Variants in NRXN3 observed in about 807,000 individuals in gnomAD.
NRXN3 encodes the protein neurexin III.
In NRXN3, 32 loss-of-function variants were observed where a neutral mutation model predicts 137.6. The observed-to-expected ratio is 0.23, with a 90% CI of 0.18 to 0.31. NRXN3 has a LOEUF of 0.31. NRXN3 is among the 10% of genes least tolerant of loss of function. NRXN3 has a pLI of 1.00. For synonymous variants in NRXN3, 798 were observed against 784.5 expected (o/e 1.02, Z -0.29); for missense variants, 1,574 against 2,062.5 (o/e 0.76, Z 4.59).
At chr14:79,683,592 C>T (rs188831377) in intron 17 of NRXN3, among the ~76,000 whole-genome samples, 2 of 152,242 alleles carry the variant, frequency 1.3e-5, no homozygotes, top group East Asian at 3.9e-4. Context: ...TATTATCTCA[C>T]AGTTTCTATA....
At chr14:78,860,045 A>G (rs2099068296) in intron 10 of NRXN3, among the ~76,000 whole-genome samples, 1 of 152,146 alleles carries the variant, frequency 6.6e-6, no homozygotes, top group South Asian at 2.1e-4. Flanking sequence ...TCTCTTTGAC[A>G]GTTTGGCCCA....
At chr14:78,362,603 A>T (rs2085298996) in intron 4 of NRXN3, among the ~76,000 whole-genome samples, 1 of 152,296 alleles carries the variant, frequency 6.6e-6, no homozygotes, top group African/African-American at 2.4e-5. Flanking sequence ...TCATGGTGAG[A>T]AAGATATATC....
chr14:79,854,135 C>T, intron 20 of NRXN3: 1 of 982,014 alleles, frequency 1.0e-6, no homozygotes, highest in Non-Finnish European at 1.2e-6. Flanking sequence ...TGTGGCAATT[C>T]TATTTGTCCA....
rs543208744 is a variant in NRXN3 at position 78,589,751 on chromosome 14, G to A, written c.758-55369G>A. Among the ~76,000 whole-genome samples, 9 of 152,276 alleles carry A rather than the reference G, an allele frequency of 5.9e-5. No individual in the cohort carries two copies. The East Asian group carries it at 1.5e-3, about 26-fold the overall frequency. ...GCAGCAGGTGTGTCTTCCCCACCTA[G>A]ACTGAGGAATTGTGTCTCAGGGGCT... On this transcript the variant is annotated intron_variant, in intron 4 of 20. Transcript: ENST00000335750.
intron 20 of NRXN3, among the ~76,000 whole-genome samples, chr14:79,817,681 C>T (rs773374155): frequency 6.6e-6 from 1 of 152,154 alleles, no homozygotes; most frequent in Non-Finnish European, 1.5e-5. Context: ...CAACTGCCCC[C>T]AGCGTGGACA....
At chr14:79,022,193 A>G (rs2099590806) in intron 15 of NRXN3, among the ~76,000 whole-genome samples, 1 of 152,200 alleles carries the variant, frequency 6.6e-6, no homozygotes, top group Non-Finnish European at 1.5e-5. Flanking sequence ...TACATTTTTA[A>G]GGAGATTTAA....
intron 15 of NRXN3, among the ~76,000 whole-genome samples, chr14:79,209,370 A>G (rs754546331): frequency 2.6e-5 from 4 of 152,104 alleles, no homozygotes; most frequent in Non-Finnish European, 5.9e-5. Context: ...AATCAAGGGT[A>G]TATTTCAGTC....
At chr14:78,740,298 C>T (rs1260505956) in intron 8 of NRXN3, among the ~76,000 whole-genome samples, 1 of 152,100 alleles carries the variant, frequency 6.6e-6, no homozygotes, top group East Asian at 1.9e-4. Context: ...TGATTATCGC[C>T]TGATGTCTTG....
rs1258601889 is a variant in NRXN3 at position 79,866,430 on chromosome 14, G to C, written c.*4466G>C. On this transcript the variant is annotated 3_prime_UTR_variant, in exon 21 of 21. Transcript: ENST00000335750. ...TATGTAAGGGAAGGCTTCATAGAAG[G>C]GGTGACATTTTGGTAAACCTTGGAA... The C allele has an allele frequency of 6.6e-6, 1 of 152,170 alleles. No homozygotes were observed. The highest frequency in any genetic ancestry group is 1.5e-5 in the Non-Finnish European group (1 of 68,036). The allele number at this position is 152,170 out of a possible 1,614,324, so 9.4% of individuals were successfully genotyped here.
intron 15 of NRXN3, among the ~76,000 whole-genome samples, chr14:79,231,087 G>A (rs535277440): frequency 3.3e-5 from 5 of 152,256 alleles, no homozygotes; most frequent in African/African-American, 1.2e-4. Context: ...TAAAAAAGTA[G>A]TGTTTATTTC....
At chr14:79,078,829 C>T (rs575464363) in intron 15 of NRXN3, among the ~76,000 whole-genome samples, 1 of 152,186 alleles carries the variant, frequency 6.6e-6, no homozygotes, top group African/African-American at 2.4e-5. Flanking sequence ...CTTTGGGCCT[C>T]ACTTGCAACA....
intron 3 of NRXN3, among the ~76,000 whole-genome samples, chr14:78,288,041 G>T (rs546948252): frequency 1.3e-5 from 2 of 151,600 alleles, no homozygotes; most frequent in Admixed American, 6.6e-5. Flanking sequence ...GTGCAGTGGC[G>T]CAATCTCAGC....
chr14:78,480,148 C>G (rs567887290), intron 4 of NRXN3, among the ~76,000 whole-genome samples: 124 of 152,186 alleles, frequency 8.1e-4, no homozygotes, highest in African/African-American at 2.6e-3. Context: ...AAGAAACAAA[C>G]AAACAAAAAA....
chr14:78,374,019 G>A (rs4903753), intron 4 of NRXN3, among the ~76,000 whole-genome samples: 144,751 of 152,290 alleles, frequency 0.95, 69,074 homozygotes, highest in Non-Finnish European at 1. Context: ...AAAGAAGTTA[G>A]ACAGTTGGAA....
intron 20 of NRXN3, among the ~76,000 whole-genome samples, chr14:79,823,210 TC>T (rs1477601454): frequency 6.6e-6 from 1 of 152,126 alleles, no homozygotes; most frequent in African/African-American, 2.4e-5. Context: ...ACCAATAACC[TC>T]CTGATTCATG....
intron 15 of NRXN3, among the ~76,000 whole-genome samples, chr14:79,326,851 C>T (rs1315823390): frequency 6.6e-6 from 1 of 151,970 alleles, no homozygotes; most frequent in Non-Finnish European, 1.5e-5. Context: ...GTTTAATGTC[C>T]TGTATGATAC....
chr14:79,389,887 G>A (rs908081591), intron 15 of NRXN3, among the ~76,000 whole-genome samples: 11 of 152,114 alleles, frequency 7.2e-5, no homozygotes, highest in South Asian at 2.1e-4. Context: ...AAAATATGAG[G>A]CAAGAATTTT....
At chr14:78,412,122 C>A (rs563499882) in intron 4 of NRXN3, among the ~76,000 whole-genome samples, 1 of 152,288 alleles carries the variant, frequency 6.6e-6, no homozygotes, top group African/African-American at 2.4e-5. Context: ...TAATGGTGCT[C>A]ACTGATAGAC....
At position 78,996,932 on chromosome 14, in the gene NRXN3, G is replaced by A. The variant is rs1010540190; in HGVS notation, c.3262+8791G>A. On this transcript the variant is annotated intron_variant, in intron 15 of 20. Transcript: ENST00000335750. ...CTTCTAAGAGCAGAATGAAGCTAGCGGTACTCTTAGGAACAGTTCTATAGA... is the reference window on the plus strand; with the variant it reads ...CTTCTAAGAGCAGAATGAAGCTAGCAGTACTCTTAGGAACAGTTCTATAGA... Among the ~76,000 whole-genome samples, 7 of 152,078 alleles carry A rather than the reference G, an allele frequency of 4.6e-5. No individual in the cohort carries two copies. The East Asian group carries it at 9.6e-4, about 21-fold the overall frequency.
Sources: allele counts gnomAD v4.1 joint callset (sites outside exome capture counted in the v4.1 genomes callset), GRCh38; gene constraint gnomAD v4.1.1; transcripts MANE v1.5; gene names NCBI Gene and HGNC (gene_info 2026-07-23, HGNC 2026-07-21).